Variants in LCLAT1 observed in about 807,000 individuals in gnomAD.
LCLAT1 encodes the protein 1-AGP acyltransferase 8.
LCLAT1 carries 11 observed loss-of-function variants against 30.7 expected under a neutral mutation model. That is an observed-to-expected ratio of 0.36 (90% CI 0.23 to 0.59). The LOEUF is 0.59. Ranked by LOEUF, LCLAT1 falls within the 20% of genes least tolerant of loss-of-function variation. LCLAT1 has a pLI of 0.77. For missense variants in LCLAT1, 402 were observed against 458.6 expected (o/e 0.88, Z 1.13); for synonymous variants, 155 against 151.3 (o/e 1.02, Z -0.18).
intron 5 of LCLAT1, among the ~76,000 whole-genome samples, chr2:30,573,683 G>GT (rs1442017535): frequency 3.3e-5 from 5 of 152,098 alleles, no homozygotes; most frequent in African/African-American, 1.2e-4. Context: ...GCTTGGTTGG[G>GT]TACCTTGCTT....
At chr2:30,556,567 A>G (rs1031090844) in intron 3 of LCLAT1, among the ~76,000 whole-genome samples, 1 of 152,194 alleles carries the variant, frequency 6.6e-6, no homozygotes, top group African/African-American at 2.4e-5. Flanking sequence ...AACTTTTATC[A>G]TAAAGACAAG....
intron 5 of LCLAT1, among the ~76,000 whole-genome samples, chr2:30,590,974 C>T (rs1329199629): frequency 2.6e-5 from 4 of 152,112 alleles, no homozygotes; most frequent in South Asian, 4.2e-4. Context: ...CCTTCAACTT[C>T]GAGGTAAAAT....
At chr2:30,560,440 G>T (rs1665155653) in intron 3 of LCLAT1, among the ~76,000 whole-genome samples, 1 of 152,104 alleles carries the variant, frequency 6.6e-6, no homozygotes, top group South Asian at 2.1e-4. Context: ...CCAGGTTCAA[G>T]CAGTTCTCCC....
chr2:30,629,164 A>G (rs1357448993), intron 5 of LCLAT1, among the ~76,000 whole-genome samples: 1 of 152,264 alleles, frequency 6.6e-6, no homozygotes, highest in Non-Finnish European at 1.5e-5. Flanking sequence ...TATATATGGT[A>G]GAGGGTAAAG....
chr2:30,611,316 T>G (rs1206663058), intron 5 of LCLAT1, among the ~76,000 whole-genome samples: 1 of 152,150 alleles, frequency 6.6e-6, no homozygotes, highest in Non-Finnish European at 1.5e-5. Context: ...AAATAAACTA[T>G]ATAATGTCCT....
intron 1 of LCLAT1, among the ~76,000 whole-genome samples, chr2:30,508,090 T>C (rs946055599): frequency 6.6e-6 from 1 of 152,224 alleles, no homozygotes; most frequent in African/African-American, 2.4e-5. Flanking sequence ...ATGTATGTCT[T>C]CTTTTGAAAA....
At chr2:30,450,117 A>T (rs1383400028) in intron 1 of LCLAT1, among the ~76,000 whole-genome samples, 1 of 152,232 alleles carries the variant, frequency 6.6e-6, no homozygotes, top group Non-Finnish European at 1.5e-5. Flanking sequence ...AGAAGTTTGT[A>T]GACAGTTGAG....
chr2:30,562,687 A>G (rs1445808797), intron 4 of LCLAT1, among the ~76,000 whole-genome samples: 6 of 152,200 alleles, frequency 3.9e-5, no homozygotes, highest in Admixed American at 3.3e-4. Context: ...TAAGCCTCAG[A>G]ATATATTTTA....
chr2:30,513,534 A>G (rs1019932052), intron 1 of LCLAT1, among the ~76,000 whole-genome samples: 5 of 152,136 alleles, frequency 3.3e-5, no homozygotes, highest in African/African-American at 1.2e-4. Flanking sequence ...TTAATTCATT[A>G]TATGCTTTTA....
chr2:30,556,238 A>C (rs747038011), intron 3 of LCLAT1, among the ~76,000 whole-genome samples: 1 of 152,240 alleles, frequency 6.6e-6, no homozygotes, highest in Non-Finnish European at 1.5e-5. Flanking sequence ...CTGAGTGCCA[A>C]TAAAACCTTA....
rs1328421591 is a variant in LCLAT1, at chr2:30,644,046, A to G, written c.*3427A>G. 6.6e-6 allele frequency: 1 copy of G among 152,182 alleles called. No homozygotes were observed. The highest frequency in any genetic ancestry group is 6.5e-5 in the Admixed American group (1 of 15,278). The allele number at this position is 152,182 out of a possible 1,614,324, so 9.4% of individuals were successfully genotyped here. A position where few individuals can be genotyped will look rare whatever the true frequency, so the allele number is the denominator to read the frequency against. On this transcript the variant is annotated 3_prime_UTR_variant, in exon 6 of 6. Coordinates refer to ENST00000379509, the MANE Select transcript of LCLAT1 (RefSeq NM_001002257.3). ...TATCCTGTACCTGCATTAAATTTTC[A>G]TTTTAGAAGAGAATCTTGGTTTTGG...
At position 30,461,770 on chromosome 2, in the gene LCLAT1, C is replaced by CCTTTTTTTTTTTTTTTTTT. The variant is rs760622200; in HGVS notation, c.-5+14387_-5+14388insCTTTTTTTTTTTTTTTTTT. The stretch of plus-strand genomic sequence containing the variant: ...TGTGGACCACTTTTTCTAAATTAAA[C>CCTTTTTTTTTTTTTTTTTT]TTTTTTTTTTTTTTTTTTGAGACGG... On this transcript the variant is annotated intron_variant, in intron 1 of 5. Transcript: ENST00000379509. Among the ~76,000 whole-genome samples, 253 of 131,706 alleles carry CCTTTTTTTTTTTTTTTTTT rather than the reference C, an allele frequency of 1.9e-3. 11 individuals carry two copies. The highest frequency in any genetic ancestry group is 2.6e-3 in the South Asian group (10 of 3,800). The allele number at this position is 131,706 out of a possible 152,430, so 86.4% of individuals were successfully genotyped here.
At chr2:30,459,334 G>A (rs1223566445) in intron 1 of LCLAT1, among the ~76,000 whole-genome samples, 1 of 152,136 alleles carries the variant, frequency 6.6e-6, no homozygotes, top group Non-Finnish European at 1.5e-5. Flanking sequence ...TGTAGAGGTG[G>A]CATGCATATT....
chr2:30,479,049 A>G (rs1029283324), intron 1 of LCLAT1, among the ~76,000 whole-genome samples: 1 of 152,204 alleles, frequency 6.6e-6, no homozygotes, highest in Non-Finnish European at 1.5e-5. Context: ...AACTTGAAAA[A>G]TACACAGATG....
At chr2:30,462,448 G>A (rs564744887) in intron 1 of LCLAT1, among the ~76,000 whole-genome samples, 10 of 152,310 alleles carry the variant, frequency 6.6e-5, no homozygotes, top group Admixed American at 3.9e-4. Flanking sequence ...CTTGAGCTTA[G>A]CATTGAAGAG....
Position 30,495,930 on chromosome 2 carries a change from G to C in LCLAT1, c.-4-29657G>C, listed in dbSNP as rs114971662. Reference sequence around the variant, plus strand: ...TTGGGGTCTGTATTAGTCTGTTCTTGCGTTGCTATAAAAAACTATCTGAGA... The same window carrying C: ...TTGGGGTCTGTATTAGTCTGTTCTTCCGTTGCTATAAAAAACTATCTGAGA... On this transcript the variant is annotated intron_variant, in intron 1 of 5. Coordinates refer to ENST00000379509, the MANE Select transcript of LCLAT1 (RefSeq NM_001002257.3). 6.7e-3 allele frequency among the ~76,000 whole-genome samples: 1,014 copies of C among 152,266 alleles called. 10 individuals carry two copies. The highest frequency in any genetic ancestry group is 0.023 in the African/African-American group (963 of 41,544).
chr2:30,583,294 C>G (rs1271834740), intron 5 of LCLAT1, among the ~76,000 whole-genome samples: 1 of 152,150 alleles, frequency 6.6e-6, no homozygotes, highest in Admixed American at 6.5e-5. Flanking sequence ...AGATAGGTAG[C>G]AATTACAAGT....
At chr2:30,448,645 T>A (rs886908660) in intron 1 of LCLAT1, among the ~76,000 whole-genome samples, 37 of 152,248 alleles carry the variant, frequency 2.4e-4, no homozygotes, top group Non-Finnish European at 5.3e-4. Context: ...CATGGTCGTC[T>A]GCATCTGCCC....
rs187994313 is a variant in LCLAT1 at position 30,596,512 on chromosome 2, G to A, written c.628+28336G>A. Among the ~76,000 whole-genome samples the A allele has an allele frequency of 7.0e-3, 1,050 of 150,488 alleles. 12 individuals carry two copies. The highest frequency in any genetic ancestry group is 0.024 in the African/African-American group (996 of 40,880). On this transcript the variant is annotated intron_variant, in intron 5 of 5. Coordinates refer to ENST00000379509, the MANE Select transcript of LCLAT1 (RefSeq NM_001002257.3). ...GTTGTTTTTTTTTTCTTGTAAATTT[G>A]TTTAAGTTTCTTGTTGACTCTGAGT...
Sources: allele counts gnomAD v4.1 joint callset (sites outside exome capture counted in the v4.1 genomes callset), GRCh38; gene constraint gnomAD v4.1.1; transcripts MANE v1.5; gene names NCBI Gene and HGNC (gene_info 2026-07-23, HGNC 2026-07-21).